Variants in ECPAS observed in about 807,000 individuals in gnomAD.
ECPAS encodes proteasome adapter and scaffold protein ECM29.
ECPAS carries 70 observed loss-of-function variants against 255.1 expected under a neutral mutation model. That is an observed-to-expected ratio of 0.27 (90% CI 0.23 to 0.33). The LOEUF is 0.33. Ranked by LOEUF, ECPAS falls within the 10% of genes least tolerant of loss-of-function variation. The pLI is 1.00. For missense variants in ECPAS, 1,817 were observed against 2,206.4 expected, an observed-to-expected ratio of 0.82 and a Z score of 3.54; for synonymous variants, 784 against 775.0, an observed-to-expected ratio of 1.01 and a Z score of -0.19.
chr9:111,446,269 A>T (rs1299656235), intron 3 of ECPAS, among the ~76,000 whole-genome samples: 1 of 152,266 alleles, frequency 6.6e-6, no homozygotes, highest in Non-Finnish European at 1.5e-5. Context: ...AAAGGGATGT[A>T]CAGAGGCTCA....
intron 7 of ECPAS, 92 bp from the exon 8 acceptor site, chr9:111,433,464 G>T: frequency 7.4e-7 from 1 of 1,357,856 alleles, no homozygotes. Context: ...GTGGTCACAA[G>T]CCAAAGATGA....
At chr9:111,362,190 A>AG in intron 49 of ECPAS, 21 bp from the exon 50 acceptor site, 6 of 1,515,492 alleles carry the variant, frequency 4.0e-6, no homozygotes, top group Non-Finnish European at 5.3e-6. Flanking sequence ...AAAAAAAAAC[A>AG]AAAACAAAAA....
chr9:111,474,161 A>G (rs1045491224), intron 1 of ECPAS, among the ~76,000 whole-genome samples: 1 of 152,194 alleles, frequency 6.6e-6, no homozygotes, highest in East Asian at 1.9e-4. Flanking sequence ...CCTGAACAAC[A>G]TGGGGGCTCA....
At chr9:111,394,015 A>G (rs1382960416) in intron 26 of ECPAS, 145 bp downstream of exon 26, 1 of 863,712 alleles carries the variant, frequency 1.2e-6, no homozygotes, top group African/African-American at 1.7e-5. Flanking sequence ...GCCTATATAC[A>G]TCAGGCCACC....
At chr9:111,362,524 G>A (rs2098114956) in intron 49 of ECPAS, among the ~76,000 whole-genome samples, 1 of 151,432 alleles carries the variant, frequency 6.6e-6, no homozygotes, top group Non-Finnish European at 1.5e-5. Flanking sequence ...CAACACCATC[G>A]CAAGACCATT....
chr9:111,480,573 C>G (rs1308446549), intron 1 of ECPAS, among the ~76,000 whole-genome samples: 3 of 152,154 alleles, frequency 2.0e-5, no homozygotes, highest in African/African-American at 4.8e-5. Flanking sequence ...GCTAGGATTA[C>G]AGGTGTGAGC....
At chr9:111,379,376 AAAAT>A (rs2098137736) in intron 35 of ECPAS, among the ~76,000 whole-genome samples, 1 of 152,246 alleles carries the variant, frequency 6.6e-6, no homozygotes, top group African/African-American at 2.4e-5. Context: ...CATTATGTCT[AAAAT>A]AAAGTACATT....
At chr9:111,458,916 C>G (rs2098270058) in intron 2 of ECPAS, among the ~76,000 whole-genome samples, 1 of 152,150 alleles carries the variant, frequency 6.6e-6, no homozygotes, top group Non-Finnish European at 1.5e-5. Flanking sequence ...AAACCATAAC[C>G]ATAAATACAC....
At chr9:111,421,042 TTAAAG>T (rs1187859559) in intron 15 of ECPAS, among the ~76,000 whole-genome samples, 1 of 152,172 alleles carries the variant, frequency 6.6e-6, no homozygotes, top group Non-Finnish European at 1.5e-5. Context: ...TAGAGAAAGT[TTAAAG>T]TATTCTGTTC....
chr9:111,390,548 T>C (rs2098158023), intron 29 of ECPAS, among the ~76,000 whole-genome samples: 2 of 152,238 alleles, frequency 1.3e-5, no homozygotes, highest in African/African-American at 4.8e-5. Flanking sequence ...AAATATCTAA[T>C]TGTTTTGTTA....
rs1474137522 is a variant in ECPAS, at chr9:111,369,144, T to C, written c.5004A>G (p.Thr1668=). 1 of 1,599,268 alleles carries C rather than the reference T, an allele frequency of 6.3e-7. No individual in the cohort carries two copies. Among genetic ancestry groups the C allele is most frequent in the Non-Finnish European group, 8.5e-7 (1 of 1,175,252 alleles). Residue 1668 remains threonine (T), a synonymous_variant, in exon 46 of 50, where the codon ACA becomes ACG. Transcript: ENST00000684092. The part of the protein sequence containing the change: ...KNSLESSGVR[T]TKNEEENEKE... ...TTTCATTCTCCTCTTCATTTTTGGT[T>C]GTCCGGACCCCACTGCTTTCAAGTG...
At chr9:111,423,628 G>C (rs979549080) in intron 12 of ECPAS, among the ~76,000 whole-genome samples, 2 of 152,142 alleles carry the variant, frequency 1.3e-5, no homozygotes, top group African/African-American at 4.8e-5. Flanking sequence ...TAACTCATTA[G>C]AAAATACATC....
chr9:111,450,484 C>T (rs1430382595), intron 3 of ECPAS, among the ~76,000 whole-genome samples: 1 of 152,186 alleles, frequency 6.6e-6, no homozygotes, highest in South Asian at 2.1e-4. Flanking sequence ...GGCAGACCTC[C>T]AGGAAGTCAC....
intron 6 of ECPAS, among the ~76,000 whole-genome samples, chr9:111,438,246 A>C (rs1486671395): frequency 6.6e-6 from 1 of 152,224 alleles, no homozygotes; most frequent in Admixed American, 6.5e-5. Flanking sequence ...ACAAATATAA[A>C]AAGAAGTTTT....
chr9:111,408,368 A>G (rs1417081837), intron 24 of ECPAS, among the ~76,000 whole-genome samples: 1 of 152,146 alleles, frequency 6.6e-6, no homozygotes, highest in African/African-American at 2.4e-5. Context: ...AAATTTTAAG[A>G]AAAGGTCTTT....
rs1207143098 is a variant in ECPAS, at chr9:111,393,744, G to A, written c.2923-10C>T. The A allele has an allele frequency of 1.3e-6, 2 of 1,563,634 alleles. No individual in the cohort carries two copies. Among genetic ancestry groups the A allele is most frequent in the African/African-American group, 1.4e-5 (1 of 73,538 alleles). Reference sequence around the variant, plus strand: ...TTTCTTTAAGATGAGACTGAAAGAAGAAAAAAGGCATTAGAACACTGAAAC... The same window carrying A: ...TTTCTTTAAGATGAGACTGAAAGAAAAAAAAAGGCATTAGAACACTGAAAC... On this transcript the variant is annotated splice_polypyrimidine_tract_variant and intron_variant, in intron 26 of 49. Transcript: ENST00000684092.
chr9:111,469,020 T>A (rs1163996134), intron 2 of ECPAS, among the ~76,000 whole-genome samples: 3 of 152,040 alleles, frequency 2.0e-5, no homozygotes, highest in Admixed American at 6.6e-5. Context: ...TCATCTCAAT[T>A]CCCCAAAAGC....
At chr9:111,371,882 T>C in intron 42 of ECPAS, 53 bp from the exon 43 acceptor site, 1 of 1,484,836 alleles carries the variant, frequency 6.7e-7, no homozygotes, top group Non-Finnish European at 9.3e-7. Context: ...ATTAACTGAT[T>C]TTTCTAAACC....
chr9:111,388,792 G>A (rs1181429794), intron 31 of ECPAS, among the ~76,000 whole-genome samples: 1 of 152,108 alleles, frequency 6.6e-6, no homozygotes, highest in African/African-American at 2.4e-5. Context: ...GGGGGTGGTG[G>A]TGAGACACAG....
Sources: gnomAD v4.1 joint callset for allele counts (sites outside exome capture counted in the v4.1 genomes callset) on GRCh38, gnomAD v4.1.1 for gene constraint, MANE v1.5 for transcripts, NCBI Gene and HGNC (gene_info 2026-07-23, HGNC 2026-07-21) for gene names.